Variants in FCF1 observed in about 807,000 individuals in gnomAD.
FCF1 encodes the protein rRNA-processing protein FCF1 homolog.
Under a neutral mutation model 32.5 loss-of-function variants are expected in FCF1, and 17 were observed. The ratio of observed to expected loss-of-function variants is 0.52; its 90% confidence interval spans 0.36 to 0.78. FCF1 has a LOEUF of 0.78. FCF1 is among the 30% of genes least tolerant of loss of function. The pLI is 0.00. For missense variants in FCF1, 201 were observed against 241.1 expected (o/e 0.83, Z 1.10); for synonymous variants, 84 against 78.4 (o/e 1.07, Z -0.38).
At chr14:74,728,691 G>A (rs1360384699) in intron 5 of FCF1, among the ~76,000 whole-genome samples, 1 of 152,046 alleles carries the variant, frequency 6.6e-6, no homozygotes, top group Non-Finnish European at 1.5e-5. Flanking sequence ...GTTTTCAAAG[G>A]GAATGCTGCC....
At chr14:74,727,234 G>A (rs1452199805) in intron 5 of FCF1, among the ~76,000 whole-genome samples, 1 of 151,974 alleles carries the variant, frequency 6.6e-6, no homozygotes, top group Non-Finnish European at 1.5e-5. Context: ...CAGTGTAAAA[G>A]TGTTCCTATT....
intron 4 of FCF1, among the ~76,000 whole-genome samples, chr14:74,716,893 A>G (rs755529452): frequency 2.0e-5 from 3 of 152,234 alleles, no homozygotes; most frequent in African/African-American, 7.2e-5. Flanking sequence ...AAAGGCTACT[A>G]TATAATGAAC....
intron 3 of FCF1, 161 bp from the exon 4 acceptor site, chr14:74,715,790 A>G: frequency 6.6e-7 from 1 of 1,525,990 alleles, no homozygotes. Context: ...TAAGATAATG[A>G]TATTACTTTC....
At chr14:74,726,000 A>C (rs982077182) in intron 5 of FCF1, among the ~76,000 whole-genome samples, 4 of 151,662 alleles carry the variant, frequency 2.6e-5, no homozygotes, top group African/African-American at 9.7e-5. Context: ...TCAAGGTTGC[A>C]GTGAGCTATG....
rs754745180 is a variant in FCF1, at chr14:74,723,308, T to C, written c.329T>C (p.Ile110Thr). ...ATAACCGATTGTGTAATGGCTGAAA[T>C]TGAGAAATTGGGGCAGAAGTATCGA... ...PCITDCVMAE[I>T]EKLGQKYRVA... The change falls in exon 5 of 8, where the codon ATT (isoleucine) becomes ACT (threonine). Residue 110 changes from isoleucine to threonine, a missense_variant. By Grantham distance (89) the Ile-to-Thr change is moderately conservative (BLOSUM62 -1). Around this residue, in one of 3 missense-constraint regions of FCF1, gnomAD observed 121 missense variants for 147.8 expected, o/e 0.82. Coordinates refer to ENST00000341162, the MANE Select transcript of FCF1 (RefSeq NM_015962.5). The C allele has an allele frequency of 8.1e-6, 13 of 1,613,650 alleles. No homozygotes were observed. The highest frequency in any genetic ancestry group is 1.7e-5 in the Admixed American group (1 of 60,002).
intron 5 of FCF1, among the ~76,000 whole-genome samples, chr14:74,732,530 T>G (rs1184710121): frequency 1.3e-5 from 2 of 152,228 alleles, no homozygotes; most frequent in African/African-American, 4.8e-5. Flanking sequence ...CTCAAAGTTT[T>G]GTAATGATTA....
At chr14:74,721,145 A>G (rs2090496816) in intron 4 of FCF1, among the ~76,000 whole-genome samples, 1 of 151,776 alleles carries the variant, frequency 6.6e-6, no homozygotes, top group Non-Finnish European at 1.5e-5. Flanking sequence ...CCAGGCTTCA[A>G]GTGATTCTCC....
At chr14:74,715,038 T>C in intron 3 of FCF1, 95 bp downstream of exon 3, 2 of 1,240,582 alleles carry the variant, frequency 1.6e-6, no homozygotes, top group Non-Finnish European at 2.2e-6. Context: ...TATTTGTTAG[T>C]AAGTCTAGCA....
chr14:74,722,339 C>T (rs562876552), intron 4 of FCF1, among the ~76,000 whole-genome samples: 11 of 152,204 alleles, frequency 7.2e-5, no homozygotes, highest in Non-Finnish European at 1.0e-4. Context: ...TGAGCCACTA[C>T]GCCCGGCCAA....
rs202008512 is a variant in FCF1, at chr14:74,734,475, A to AT, written c.548+314dup. Among the ~76,000 whole-genome samples, 622 of 151,332 alleles carry AT rather than the reference A, an allele frequency of 4.1e-3. 3 individuals carry two copies. Among genetic ancestry groups the AT allele is most frequent in the African/African-American group, 0.013 (541 of 41,264 alleles). On this transcript the variant is annotated intron_variant, in intron 7 of 7. Coordinates refer to ENST00000341162, the MANE Select transcript of FCF1 (RefSeq NM_015962.5). ...TGGCCAGAAATACCTGTTTTGAAAGATTTTTTTTTATTAACACTTCATCTG... is the reference window on the plus strand; with the variant it reads ...TGGCCAGAAATACCTGTTTTGAAAGATTTTTTTTTTATTAACACTTCATCTG...
intron 4 of FCF1, among the ~76,000 whole-genome samples, chr14:74,717,304 C>T (rs772151476): frequency 1.3e-5 from 2 of 151,238 alleles, no homozygotes; most frequent in African/African-American, 2.4e-5. Context: ...TGCAGTGAGC[C>T]GAGATTGTGC....
chr14:74,731,521 C>T (rs1034780307), intron 5 of FCF1, among the ~76,000 whole-genome samples: 3 of 152,164 alleles, frequency 2.0e-5, no homozygotes, highest in South Asian at 2.1e-4. Flanking sequence ...TTTAATGACT[C>T]CTCATTACCT....
intron 4 of FCF1, among the ~76,000 whole-genome samples, chr14:74,721,127 C>T (rs1310628101): frequency 1.3e-5 from 2 of 151,624 alleles, no homozygotes; most frequent in African/African-American, 4.9e-5. Context: ...TCACTGCAAC[C>T]TCTGCCTCCA....
At chr14:74,732,916 T>C in intron 6 of FCF1, 98 bp downstream of exon 6, 1 of 694,674 alleles carries the variant, frequency 1.4e-6, no homozygotes, top group Non-Finnish European at 2.4e-6. Flanking sequence ...TCTAGGAATA[T>C]ACATTATGGT....
intron 7 of FCF1, 99 bp from the exon 8 acceptor site, chr14:74,734,783 C>T: frequency 2.2e-6 from 2 of 897,068 alleles, no homozygotes; most frequent in Non-Finnish European, 3.6e-6. Context: ...AAAAAGGATT[C>T]ACAGTGGGGG....
At chr14:74,727,582 C>G (rs2090590967) in intron 5 of FCF1, among the ~76,000 whole-genome samples, 1 of 150,970 alleles carries the variant, frequency 6.6e-6, no homozygotes, top group Non-Finnish European at 1.5e-5. Flanking sequence ...ATGGTAGTTT[C>G]TTTTGCTGTG....
At chr14:74,722,947 G>A (rs1428491435) in intron 4 of FCF1, among the ~76,000 whole-genome samples, 3 of 151,844 alleles carry the variant, frequency 2.0e-5, no homozygotes, top group East Asian at 1.9e-4. Flanking sequence ...GGGCAACAGA[G>A]CAAGACTCTG....
chr14:74,723,948 C>G lies in FCF1; in HGVS notation c.365+604C>G, dbSNP rs533508325. ...ACATAATCAACAAAGGGCTTATTTTCAAAATGCATAAAGAACTTCACATCT... is the reference window on the plus strand; with the variant it reads ...ACATAATCAACAAAGGGCTTATTTTGAAAATGCATAAAGAACTTCACATCT... On this transcript the variant is annotated intron_variant, in intron 5 of 7. Transcript: ENST00000341162. Among the ~76,000 whole-genome samples the G allele has an allele frequency of 1.5e-4, 23 of 152,074 alleles. No homozygotes were observed. The South Asian group carries it at 2.1e-3, about 14-fold the overall frequency.
At chr14:74,732,518 A>T (rs1383043772) in intron 5 of FCF1, among the ~76,000 whole-genome samples, 1 of 152,166 alleles carries the variant, frequency 6.6e-6, no homozygotes, top group Non-Finnish European at 1.5e-5. Flanking sequence ...GATATATAAT[A>T]ACTCAAAGTT....
Sources: allele counts gnomAD v4.1 joint callset (sites outside exome capture counted in the v4.1 genomes callset), GRCh38; gene constraint gnomAD v4.1.1; regional missense constraint gnomAD v4.1.1; transcripts MANE v1.5; gene names NCBI Gene and HGNC (gene_info 2026-07-23, HGNC 2026-07-21).